The following OTOG variants were observed in gnomAD, a reference collection of about 807,000 sequenced individuals.
OTOG encodes otogelin.
A neutral mutation model predicts 313.8 loss-of-function variants in OTOG; 296 were observed. The observed-to-expected ratio is 0.94, with a 90% CI of 0.86 to 1.04. The LOEUF is 1.04. Among genes scored for constraint, OTOG ranks in the 50% least tolerant of loss-of-function variants. The pLI, the probability that OTOG is intolerant of heterozygous loss-of-function variation, is 0.00. For synonymous variants in OTOG, 1,533 were observed against 1,554.9 expected (o/e 0.99, Z 0.33); for missense variants, 3,948 against 3,840.1 (o/e 1.03, Z -0.74).
rs1352471602 is a variant in OTOG, at chr11:17,641,963, C to A, written c.8295+12C>A. 12 of 1,548,466 alleles carry A rather than the reference C, an allele frequency of 7.7e-6. No homozygotes were observed. On this transcript the variant is annotated intron_variant, in intron 52 of 55. Transcript: ENST00000399397. ...CCTCCCTGTTCTTGGTAAGCAGCCC[C>A]CTCGCTGCCCACTTAGGAGGGTGTC...
At chr11:17,556,577 C>T (rs761142268) in intron 7 of OTOG, among the ~76,000 whole-genome samples, 1 of 152,152 alleles carries the variant, frequency 6.6e-6, no homozygotes, top group Non-Finnish European at 1.5e-5. Context: ...AAATTGATGG[C>T]CTATAGGTTT....
At chr11:17,637,012 C>T (rs144257656) in intron 47 of OTOG, among the ~76,000 whole-genome samples, 30 of 152,296 alleles carry the variant, frequency 2.0e-4, no homozygotes, top group African/African-American at 6.3e-4. Context: ...CACTTTCTCC[C>T]AGTCTTCGTC....
In OTOG at chr11:17,611,059, C is replaced by T; in HGVS notation, c.5759C>T (p.Pro1920Leu). ...ATCCTATCCAAGCAAGTGTCTCTGC[C>T]CACTTCCATGTATGGTTCTGCAGAG... The part of the protein sequence containing the change: ...VAILSKQVSL[P>L]TSMYGSAEGG... Residue 1920 changes from proline to leucine, a missense_variant, in exon 36 of 56, where the codon CCC (proline) becomes CTC (leucine). Transcript: ENST00000399397. 1 of 1,550,634 alleles carries T rather than the reference C, an allele frequency of 6.4e-7. No individual in the cohort carries two copies. Among genetic ancestry groups the T allele is most frequent in the Non-Finnish European group, 8.7e-7 (1 of 1,147,014 alleles).
rs531527472 is a variant in OTOG, at chr11:17,578,489, C to T, written c.2722C>T (p.Arg908Cys). ...QQLLNLSVSA[R>C]GPCLSGCACP... is the part of the protein sequence containing the mutation. The stretch of plus-strand genomic sequence containing the variant: ...ACTGCTGAACCTGAGCGTGTCAGCC[C>T]GTGGCCCCTGCCTCTCGGGCTGCGC... The change falls in exon 23 of 56, where the codon CGT becomes TGT. Residue 908 changes from arginine (R) to cysteine (C), a missense_variant. Coordinates refer to ENST00000399397, the MANE Select transcript of OTOG (RefSeq NM_001292063.2). 2.9e-5 allele frequency: 44 copies of T among 1,539,528 alleles called. No individual in the cohort carries two copies. The East Asian group carries it at 4.9e-4, about 17-fold the overall frequency.
At chr11:17,644,657 G>A (rs1220019608) in intron 54 of OTOG, among the ~76,000 whole-genome samples, 7 of 152,136 alleles carry the variant, frequency 4.6e-5, no homozygotes, top group Non-Finnish European at 1.0e-4. Flanking sequence ...AATACAAAAT[G>A]TACAAATTCA....
intron 27 of OTOG, 95 bp from the exon 28 acceptor site, chr11:17,593,952 G>A (rs889546768): frequency 9.9e-5 from 148 of 1,497,322 alleles, no homozygotes; most frequent in Non-Finnish European, 1.3e-4. Flanking sequence ...TGGCTTCTAG[G>A]TCTATGATAG....
chr11:17,583,922 AG>A (rs1424481982), intron 23 of OTOG, among the ~76,000 whole-genome samples: 5 of 152,218 alleles, frequency 3.3e-5, no homozygotes, highest in African/African-American at 1.2e-4. Context: ...TCTTAACACC[AG>A]TAAGTCCTCC....
intron 32 of OTOG, among the ~76,000 whole-genome samples, chr11:17,603,316 C>T (rs535748693): frequency 6.6e-6 from 1 of 152,206 alleles, no homozygotes; most frequent in African/African-American, 2.4e-5. Context: ...ATCCCCAGAT[C>T]CATGCATTCC....
intron 53 of OTOG, among the ~76,000 whole-genome samples, chr11:17,642,562 A>T (rs1847998595): frequency 6.6e-6 from 1 of 152,170 alleles, no homozygotes; most frequent in Non-Finnish European, 1.5e-5. Context: ...GGACATTCAC[A>T]TCAGCATGCC....
At chr11:17,625,408 A>C (rs1853959516) in intron 39 of OTOG, among the ~76,000 whole-genome samples, 1 of 152,198 alleles carries the variant, frequency 6.6e-6, no homozygotes, top group Admixed American at 6.5e-5. Context: ...ACCTATTGAG[A>C]TAATTCTTGG....
At chr11:17,551,379 A>G (rs1056171285) in intron 3 of OTOG, among the ~76,000 whole-genome samples, 1 of 152,042 alleles carries the variant, frequency 6.6e-6, no homozygotes, top group African/African-American at 2.4e-5. Context: ...TTCTGTCTGG[A>G]AAATAGGGTT....
rs775481846 is a variant in OTOG, at chr11:17,609,148, T to C, written c.4293T>C (p.Pro1431=). ...TCCTCAGGGTAGAAGGCTGTGTCCC[T>C]GTGTGCCCCACCCCCCAGGTCCTGG... is the stretch of plus-strand genomic sequence containing the variant. ...RDVPRVEGCV[P]VCPTPQVLDE... is the part of the protein sequence containing the mutation. Residue 1431 remains proline (P), a synonymous_variant, in exon 35 of 56, where the codon CCT becomes CCC. Coordinates refer to ENST00000399397, the MANE Select transcript of OTOG (RefSeq NM_001292063.2). The C allele has an allele frequency of 1.3e-6, 2 of 1,550,564 alleles. No homozygotes were observed. Among genetic ancestry groups the C allele is most frequent in the African/African-American group, 1.4e-5 (1 of 73,150 alleles).
chr11:17,607,279 G>A lies in OTOG; in HGVS notation c.4157-1017G>A, dbSNP rs150087043. Among the ~76,000 whole-genome samples the A allele has an allele frequency of 1.9e-3, 290 of 152,352 alleles. 1 individual carries two copies. Among genetic ancestry groups the A allele is most frequent in the African/African-American group, 6.8e-3 (282 of 41,590 alleles). The stretch of plus-strand genomic sequence containing the variant: ...GCGTCTGGAGGAGCTGCCGGTGGGG[G>A]ATGCTCCCTGGAGCCTGCTTCGGAG... On this transcript the variant is annotated intron_variant, in intron 33 of 55. Coordinates refer to ENST00000399397, the MANE Select transcript of OTOG (RefSeq NM_001292063.2).
intron 11 of OTOG, 80 bp from the exon 12 acceptor site, chr11:17,559,454 C>A: frequency 6.5e-7 from 1 of 1,529,650 alleles, no homozygotes; most frequent in African/African-American, 1.4e-5. Context: ...CCCATCCTCA[C>A]TCCACGGCCT....
chr11:17,610,344 C>T lies in OTOG; in HGVS notation c.5044C>T (p.Pro1682Ser). The part of the protein sequence containing the change: ...VTKVISRTGV[P>S]QPTQAQSASS... ...TAAGGTCATAAGCAGGACAGGGGTC[C>T]CCCAGCCCACCCAGGCCCAGAGTGC... Residue 1682 changes from proline to serine, a missense_variant, in exon 36 of 56, where the codon CCC becomes TCC. Transcript: ENST00000399397. 1 of 1,550,656 alleles carries T rather than the reference C, an allele frequency of 6.4e-7. No individual in the cohort carries two copies. The highest frequency in any genetic ancestry group is 8.7e-7 in the Non-Finnish European group (1 of 1,146,996).
At chr11:17,641,150 G>A in intron 51 of OTOG, 59 bp downstream of exon 51, 1 of 1,484,070 alleles carries the variant, frequency 6.7e-7, no homozygotes, top group Non-Finnish European at 9.0e-7. Flanking sequence ...GGCAGACCTT[G>A]GGTGCTCCAG....
chr11:17,645,769 G>A lies in OTOG; in HGVS notation c.8567G>A (p.Arg2856Lys), dbSNP rs973355204. 1.3e-6 allele frequency: 2 copies of A among 1,550,916 alleles called. No individual in the cohort carries two copies. The change falls in exon 56 of 56, where the codon AGG (arginine) becomes AAG (lysine). Residue 2856 changes from arginine (R) to lysine (K), a missense_variant. Coordinates refer to ENST00000399397, the MANE Select transcript of OTOG (RefSeq NM_001292063.2). The stretch of plus-strand genomic sequence containing the variant: ...GTGAACCTAGTGTCCTGCGATGGGA[G>A]GTGCCCATCCGCCAGCATCTACAAC... ...TPVNLVSCDG[R>K]CPSASIYNYN...
chr11:17,591,539 A>G lies in OTOG; in HGVS notation c.2957A>G (p.Asp986Gly). The G allele has an allele frequency of 1.3e-6, 2 of 1,550,594 alleles. No homozygotes were observed. The highest frequency in any genetic ancestry group is 1.7e-6 in the Non-Finnish European group (2 of 1,146,998). Residue 986 changes from aspartate (D) to glycine (G), a missense_variant, in exon 25 of 56, where the codon GAT (aspartate) becomes GGT (glycine). By Grantham distance (94) the Asp-to-Gly change is moderately conservative. Transcript: ENST00000399397. Reference protein sequence around the residue: ...AYGDRHYRTFDGLPFDFVGAC... With the variant: ...AYGDRHYRTFGGLPFDFVGAC... ...GGGGACCGGCATTACCGCACGTTTG[A>G]TGGGCTCCCGTTTGACTTCGTGGGG... is the stretch of plus-strand genomic sequence containing the variant.
chr11:17,581,852 C>T (rs528092301), intron 23 of OTOG, among the ~76,000 whole-genome samples: 3 of 152,194 alleles, frequency 2.0e-5, no homozygotes, highest in Non-Finnish European at 4.4e-5. Context: ...GTTCCGCCCC[C>T]ACCAGCATTG....
Sources: allele counts gnomAD v4.1 joint callset (sites outside exome capture counted in the v4.1 genomes callset), GRCh38; gene constraint gnomAD v4.1.1; transcripts MANE v1.5; gene names NCBI Gene and HGNC (gene_info 2026-07-23, HGNC 2026-07-21).